Variants in NRG1 observed in about 807,000 individuals in gnomAD.
The protein encoded by NRG1 is pro-neuregulin-1, membrane-bound isoform.
NRG1 carries 18 observed loss-of-function variants against 63.8 expected under a neutral mutation model. The observed-to-expected ratio is 0.28, with a 90% CI of 0.19 to 0.42. The LOEUF is 0.42. Ranked by LOEUF, NRG1 falls within the 10% of genes least tolerant of loss-of-function variation. The pLI is 1.00. For synonymous variants in NRG1, 302 were observed against 301.3 expected, an observed-to-expected ratio of 1.00 and a Z score of -0.02; for missense variants, 762 against 814.7, an observed-to-expected ratio of 0.94 and a Z score of 0.79.
intron 1 of NRG1, among the ~76,000 whole-genome samples, chr8:32,500,092 CTGCT>C (rs1481232258): frequency 6.6e-6 from 1 of 152,174 alleles, no homozygotes; most frequent in Non-Finnish European, 1.5e-5. Context: ...CAAAGTATGT[CTGCT>C]TGTGTCTGGC....
At chr8:32,677,286 A>C in intron 5 of NRG1, among the ~76,000 whole-genome samples, 1 of 152,212 alleles carries the variant, frequency 6.6e-6, no homozygotes. Context: ...GAAATTGGAC[A>C]ATTTAGTCAT....
At chr8:32,281,338 C>T (rs955356647) in intron 1 of NRG1, among the ~76,000 whole-genome samples, 2 of 151,304 alleles carry the variant, frequency 1.3e-5, no homozygotes, top group Non-Finnish European at 2.9e-5. Context: ...CCACCAGGCC[C>T]CCATAATTTT....
At chr8:31,948,595 G>A (rs1229907221) in intron 1 of NRG1, among the ~76,000 whole-genome samples, 1 of 152,152 alleles carries the variant, frequency 6.6e-6, no homozygotes, top group Admixed American at 6.5e-5. Context: ...GCCATAGAGA[G>A]CTAATTTCCC....
intron 1 of NRG1, among the ~76,000 whole-genome samples, chr8:32,538,001 G>A (rs28594215): frequency 0.41 from 62,147 of 151,798 alleles, 13,010 homozygotes; most frequent in Admixed American, 0.49. Context: ...ACAAGCACGC[G>A]CCACCATGAC....
chr8:32,252,103 T>A lies in NRG1; in HGVS notation c.38-343725T>A, dbSNP rs113338853. Among the ~76,000 whole-genome samples, 1,403 of 152,316 alleles carry A rather than the reference T, an allele frequency of 9.2e-3. 33 individuals carry two copies. The highest frequency in any genetic ancestry group is 0.031 in the African/African-American group (1,308 of 41,564). On this transcript the variant is annotated intron_variant, in intron 1 of 10. Transcript: ENST00000519301. ...GTAGATCCTGGATATTAGCCCTTTG[T>A]CAGATGGATAGATTGCAAAATTTTT...
intron 1 of NRG1, among the ~76,000 whole-genome samples, chr8:32,514,412 T>G (rs1208440373): frequency 6.6e-6 from 1 of 152,182 alleles, no homozygotes; most frequent in African/African-American, 2.4e-5. Flanking sequence ...CCAAAGTTTT[T>G]AACATGCTTC....
intron 1 of NRG1, among the ~76,000 whole-genome samples, chr8:31,845,489 T>A (rs1048570343): frequency 1.3e-5 from 2 of 152,184 alleles, no homozygotes; most frequent in African/African-American, 2.4e-5. Context: ...AATCCTGAAA[T>A]GTGGAGGAGG....
chr8:32,586,295 T>A (rs948250163), intron 1 of NRG1, among the ~76,000 whole-genome samples: 10 of 151,704 alleles, frequency 6.6e-5, no homozygotes, highest in African/African-American at 2.4e-4. Flanking sequence ...TACATTATAG[T>A]TGTTTTAAGA....
intron 1 of NRG1, among the ~76,000 whole-genome samples, chr8:32,218,118 T>C (rs181588598): frequency 1.3e-5 from 2 of 152,342 alleles, no homozygotes; most frequent in East Asian, 3.9e-4. Flanking sequence ...ATTAAGATCA[T>C]GCTTGAGAAA....
At chr8:31,804,860 G>A (rs1822121618) in intron 1 of NRG1, among the ~76,000 whole-genome samples, 1 of 152,088 alleles carries the variant, frequency 6.6e-6, no homozygotes, top group African/African-American at 2.4e-5. Context: ...TTAAATAATG[G>A]GACATGATAG....
intron 1 of NRG1, among the ~76,000 whole-genome samples, chr8:31,658,830 G>C (rs1157317457): frequency 6.6e-6 from 1 of 152,208 alleles, no homozygotes; most frequent in Non-Finnish European, 1.5e-5. Context: ...GCAGGATTCA[G>C]TGGAGCTAGA....
At chr8:31,689,703 G>A (rs920826807) in intron 1 of NRG1, among the ~76,000 whole-genome samples, 11 of 152,118 alleles carry the variant, frequency 7.2e-5, no homozygotes, top group African/African-American at 2.7e-4. Flanking sequence ...TATTCATTAA[G>A]TACCTATTAT....
rs572804388 is a variant in NRG1, at chr8:32,160,361, C to T, written c.38-435467C>T. Among the ~76,000 whole-genome samples the T allele has an allele frequency of 4.5e-4, 69 of 152,290 alleles. 1 individual carries two copies. The highest frequency in any genetic ancestry group is 1.5e-3 in the African/African-American group (62 of 41,566). ...CTAGGAACTGAACTAAATGCTGCCCCAGAGATCATTCTTATTTATGCTCAC... is the reference window on the plus strand; with the variant it reads ...CTAGGAACTGAACTAAATGCTGCCCTAGAGATCATTCTTATTTATGCTCAC... On this transcript the variant is annotated intron_variant, in intron 1 of 10. Coordinates refer to the NRG1 transcript ENST00000519301.
At chr8:32,513,965 C>A (rs1253760735) in intron 1 of NRG1, among the ~76,000 whole-genome samples, 1 of 151,956 alleles carries the variant, frequency 6.6e-6, no homozygotes, top group Admixed American at 6.6e-5. Context: ...TGCTCAAGGC[C>A]CAATTATGAC....
chr8:31,791,614 G>T (rs1225807176), intron 1 of NRG1, among the ~76,000 whole-genome samples: 4 of 152,112 alleles, frequency 2.6e-5, no homozygotes, highest in Non-Finnish European at 5.9e-5. Flanking sequence ...TGATCATTAC[G>T]AAAGATGTCA....
chr8:32,580,222 G>T (rs1840395457), intron 1 of NRG1, among the ~76,000 whole-genome samples: 1 of 152,072 alleles, frequency 6.6e-6, no homozygotes, highest in Non-Finnish European at 1.5e-5. Flanking sequence ...TAATCTCAAG[G>T]TCTCAATCAT....
intron 1 of NRG1, among the ~76,000 whole-genome samples, chr8:32,560,532 T>A (rs1836193459): frequency 6.6e-6 from 1 of 152,104 alleles, no homozygotes; most frequent in Non-Finnish European, 1.5e-5. Context: ...AGACATTGAG[T>A]TGTAGGAGTT....
intron 1 of NRG1, among the ~76,000 whole-genome samples, chr8:32,180,305 A>G (rs1003033381): frequency 7.2e-5 from 11 of 152,134 alleles, no homozygotes; most frequent in Non-Finnish European, 1.2e-4. Flanking sequence ...CAGCTAAACA[A>G]TCTAATCCAG....
chr8:32,295,422 A>G (rs1017866122), intron 1 of NRG1, among the ~76,000 whole-genome samples: 1 of 152,156 alleles, frequency 6.6e-6, no homozygotes, highest in African/African-American at 2.4e-5. Context: ...TTGCTTTACA[A>G]TAATCTCTAC....
Sources: allele counts gnomAD v4.1 joint callset (sites outside exome capture counted in the v4.1 genomes callset), GRCh38; gene constraint gnomAD v4.1.1; transcripts MANE v1.5; gene names NCBI Gene and HGNC (gene_info 2026-07-23, HGNC 2026-07-21).